HEATR5A: variants seen among roughly 807,000 people sequenced by gnomAD.
HEATR5A encodes HEAT repeat-containing protein 5A.
A neutral mutation model predicts 218.8 loss-of-function variants in HEATR5A; 178 were observed. The observed-to-expected ratio is 0.81, with a 90% CI of 0.72 to 0.92. HEATR5A has a LOEUF of 0.92. HEATR5A is among the 40% of genes least tolerant of loss of function. The pLI is 0.00. For missense variants in HEATR5A, 2,420 were observed against 2,418.9 expected, an observed-to-expected ratio of 1.00 and a Z score of -0.01; for synonymous variants, 864 against 871.6, an observed-to-expected ratio of 0.99 and a Z score of 0.15.
intron 22 of HEATR5A, among the ~76,000 whole-genome samples, chr14:31,330,144 A>G (rs1900414343): frequency 6.6e-6 from 1 of 152,232 alleles, no homozygotes; most frequent in Non-Finnish European, 1.5e-5. Flanking sequence ...CCCCTGCAGC[A>G]GACTTCTGCC....
Position 31,304,955 on chromosome 14 carries a change from G to C in HEATR5A, c.5189C>G (p.Ser1730Ter), listed in dbSNP as rs751715054. ...TTCGGAAAGGATAACCAATGCAGCT[G>C]AAACCAATCTACTTCCATCTTCTAA... Reference protein sequence around the residue: ...ILLEDGSRLVSAALVILSELP... With the variant: ...ILLEDGSRLV Residue 1730 changes from serine (S) to a stop codon, truncating the protein, a stop_gained, in exon 32 of 36, where the codon TCA (serine) becomes TGA (stop). Coordinates refer to ENST00000543095, the MANE Select transcript of HEATR5A (RefSeq NM_015473.4). LOFTEE classifies it high-confidence loss of function. 1 of 1,614,008 alleles carries C rather than the reference G, an allele frequency of 6.2e-7. No homozygotes were observed. Among genetic ancestry groups the C allele is most frequent in the Non-Finnish European group, 8.5e-7 (1 of 1,179,882 alleles).
intron 11 of HEATR5A, among the ~76,000 whole-genome samples, chr14:31,375,937 C>T (rs888641780): frequency 6.6e-6 from 1 of 152,134 alleles, no homozygotes; most frequent in Non-Finnish European, 1.5e-5. Flanking sequence ...CTTTAAATTT[C>T]TGGAGTTACT....
At chr14:31,387,708 C>T (rs946949920) in intron 7 of HEATR5A, among the ~76,000 whole-genome samples, 2 of 152,062 alleles carry the variant, frequency 1.3e-5, no homozygotes, top group Non-Finnish European at 2.9e-5. Flanking sequence ...TACAGGGGCC[C>T]GCCACCAAGC....
intron 13 of HEATR5A, among the ~76,000 whole-genome samples, chr14:31,368,310 T>C (rs1392770502): frequency 6.6e-6 from 1 of 152,126 alleles, no homozygotes; most frequent in Non-Finnish European, 1.5e-5. Context: ...GGTGTCTTGA[T>C]CTTAGACTCC....
intron 7 of HEATR5A, among the ~76,000 whole-genome samples, chr14:31,388,304 GA>G (rs751504931): frequency 1.3e-5 from 2 of 150,248 alleles, no homozygotes; most frequent in Admixed American, 6.6e-5. Flanking sequence ...ACGGTGTTTA[GA>G]AAAAAAAAGA....
intron 21 of HEATR5A, among the ~76,000 whole-genome samples, chr14:31,342,356 C>T (rs1900868517): frequency 6.6e-6 from 1 of 152,022 alleles, no homozygotes; most frequent in Admixed American, 6.6e-5. Flanking sequence ...CCACCGCACT[C>T]CAGCCTGACA....
chr14:31,412,529 AAAAG>A (rs980042002), intron 1 of HEATR5A, among the ~76,000 whole-genome samples: 2 of 151,842 alleles, frequency 1.3e-5, no homozygotes, highest in African/African-American at 2.4e-5. Context: ...AAAAAAAAAA[AAAAG>A]AAGACAAATA....
At chr14:31,397,720 A>G (rs183572379) in intron 4 of HEATR5A, among the ~76,000 whole-genome samples, 155 of 150,910 alleles carry the variant, frequency 1.0e-3, no homozygotes, top group Non-Finnish European at 1.2e-3. Context: ...GTCCAGTGGC[A>G]TGACCATAGC....
intron 2 of HEATR5A, among the ~76,000 whole-genome samples, chr14:31,401,091 G>A (rs912461466): frequency 4.6e-5 from 7 of 152,034 alleles, no homozygotes; most frequent in Admixed American, 2.6e-4. Context: ...CACCCACCTC[G>A]GCCTCCCAAA....
chr14:31,418,219 A>AAAAC (rs746021096), intron 1 of HEATR5A, among the ~76,000 whole-genome samples: 6 of 152,184 alleles, frequency 3.9e-5, no homozygotes, highest in African/African-American at 9.6e-5. Context: ...GATAAAAACA[A>AAAAC]AAACAAACAA....
At chr14:31,332,752 G>C (rs969821698) in intron 22 of HEATR5A, among the ~76,000 whole-genome samples, 2 of 152,120 alleles carry the variant, frequency 1.3e-5, no homozygotes, top group African/African-American at 4.8e-5. Context: ...TTGAGAGACC[G>C]AGGTGGGCGG....
chr14:31,372,227 T>C (rs1370581208), intron 12 of HEATR5A, among the ~76,000 whole-genome samples: 3 of 150,018 alleles, frequency 2.0e-5, no homozygotes, highest in Non-Finnish European at 4.4e-5. Context: ...GCTTAGACTC[T>C]CAAGTTTGCC....
chr14:31,415,247 G>A (rs1421231550), intron 1 of HEATR5A, among the ~76,000 whole-genome samples: 1 of 152,158 alleles, frequency 6.6e-6, no homozygotes, highest in Admixed American at 6.5e-5. Context: ...TCCTTGGCAG[G>A]CACTGCTTCT....
intron 1 of HEATR5A, among the ~76,000 whole-genome samples, chr14:31,417,749 CAAA>C (rs779679473): frequency 9.0e-5 from 9 of 100,502 alleles, no homozygotes; most frequent in Non-Finnish European, 8.3e-5. Context: ...GACTCCATCT[CAAA>C]AAAAAAAAAA....
chr14:31,368,318 T>G (rs1301265194), intron 13 of HEATR5A, among the ~76,000 whole-genome samples: 1 of 152,136 alleles, frequency 6.6e-6, no homozygotes, highest in Non-Finnish European at 1.5e-5. Context: ...GATCTTAGAC[T>G]CCTGCCTCCA....
chr14:31,328,173 C>T (rs367966861), intron 22 of HEATR5A, among the ~76,000 whole-genome samples: 70 of 152,006 alleles, frequency 4.6e-4, no homozygotes, highest in African/African-American at 1.5e-3. Context: ...AGGCTGGTCT[C>T]GAACTCCTGA....
rs563352932 is a variant in HEATR5A, at chr14:31,332,924, C to T, written c.3367+4552G>A. Among the ~76,000 whole-genome samples the T allele has an allele frequency of 4.9e-4, 74 of 151,054 alleles. No homozygotes were observed. In the South Asian group the frequency reaches 0.015, roughly 31 times the overall value. On this transcript the variant is annotated intron_variant, in intron 22 of 35. Coordinates refer to ENST00000543095, the MANE Select transcript of HEATR5A (RefSeq NM_015473.4). Reference sequence around the variant, plus strand: ...TCGCTTGAACCCGGAAGACGGAGGTCGCAGTGAGCCAAGATCGCGCCACTG... The same window carrying T: ...TCGCTTGAACCCGGAAGACGGAGGTTGCAGTGAGCCAAGATCGCGCCACTG...
rs754826955 is a variant in HEATR5A, at chr14:31,388,907, T to G, written c.871A>C (p.Ser291Arg). The G allele has an allele frequency of 6.2e-7, 1 of 1,613,876 alleles. No individual in the cohort carries two copies. Among genetic ancestry groups the G allele is most frequent in the South Asian group, 1.1e-5 (1 of 91,082 alleles). The change falls in exon 7 of 36, where the codon AGT (serine) becomes CGT (arginine). Residue 291 changes from serine to arginine, a missense_variant. Ser to Arg is a moderately radical substitution (Grantham distance 110). Coordinates refer to ENST00000543095, the MANE Select transcript of HEATR5A (RefSeq NM_015473.4). The part of the protein sequence containing the change: ...LRGSSGFLRA[S>R]GDMLKGTSSV... ...CTGGTTCCTTTCAGCATATCTCCACTGGCTCGAAGGAATCCTGAACTCCCA... is the reference window on the plus strand; with the variant it reads ...CTGGTTCCTTTCAGCATATCTCCACGGGCTCGAAGGAATCCTGAACTCCCA...
chr14:31,356,203 C>T (rs1247016991), intron 16 of HEATR5A, among the ~76,000 whole-genome samples: 1 of 152,124 alleles, frequency 6.6e-6, no homozygotes, highest in Non-Finnish European at 1.5e-5. Context: ...GCTTATAACC[C>T]ACTTTCTGTA....
Sources: allele counts gnomAD v4.1 joint callset (sites outside exome capture counted in the v4.1 genomes callset), GRCh38; gene constraint gnomAD v4.1.1; transcripts MANE v1.5; gene names NCBI Gene and HGNC (gene_info 2026-07-23, HGNC 2026-07-21).